AOC1: variants seen among roughly 807,000 people sequenced by gnomAD.
AOC1 encodes the protein diamine oxidase [copper-containing].
AOC1 carries 58 observed loss-of-function variants against 57.1 expected under a neutral mutation model. The observed-to-expected ratio is 1.02, with a 90% CI of 0.82 to 1.26. The LOEUF (loss-of-function observed/expected upper bound fraction) is 1.26, where lower values mean the gene tolerates loss of function less well. Ranked by LOEUF, AOC1 falls within the 50% of genes most tolerant of loss-of-function variation. The pLI, the probability that AOC1 is intolerant of heterozygous loss-of-function variation, is 0.00. For missense variants in AOC1, 917 were observed against 1,005.3 expected (o/e 0.91, Z 1.19); for synonymous variants, 401 against 423.4 (o/e 0.95, Z 0.65).
chr7:150,860,490 G>A lies in AOC1; in HGVS notation c.1857-11G>A, dbSNP rs11771771. On this transcript the variant is annotated splice_polypyrimidine_tract_variant and intron_variant, in intron 3 of 4. Coordinates refer to ENST00000360937, the MANE Select transcript of AOC1 (RefSeq NM_001091.4). ...GGCCCTGAGCCAAGCTGCTTCGCCT[G>A]TGCCTGGCAGGTACCCCCTGGCAGT... is the stretch of plus-strand genomic sequence containing the variant. 174,891 of 1,613,880 alleles carry A rather than the reference G, an allele frequency of 0.11. 10,593 individuals carry two copies. The highest frequency in any genetic ancestry group is 0.12 in the Non-Finnish European group (142,121 of 1,179,928).
rs1344946396 is a variant in AOC1 at position 150,857,642 on chromosome 7, G to T, written c.1172G>T (p.Cys391Phe). The T allele has an allele frequency of 6.2e-7, 1 of 1,614,078 alleles. No homozygotes were observed. The highest frequency in any genetic ancestry group is 8.5e-7 in the Non-Finnish European group (1 of 1,179,998). Residue 391 changes from cysteine (C) to phenylalanine (F), a missense_variant, in exon 2 of 5, where the codon TGC becomes TTC. Coordinates refer to ENST00000360937, the MANE Select transcript of AOC1 (RefSeq NM_001091.4). This position sits in a 1 kb window ranked among gnomAD's most constrained non-coding sequence, Gnocchi z 6.6. ...VTHELAPGID[C>F]PETATFLDTF... is the part of the protein sequence containing the mutation. Reference sequence around the variant, plus strand: ...CATGAGTTAGCCCCCGGCATCGACTGCCCGGAGACCGCCACCTTCCTGGAC... The same window carrying T: ...CATGAGTTAGCCCCCGGCATCGACTTCCCGGAGACCGCCACCTTCCTGGAC...
At chr7:150,855,030 CTATGAAAA>C (rs45601031) in intron 1 of AOC1, among the ~76,000 whole-genome samples, 45,316 of 151,838 alleles carry the variant, frequency 0.3, 8,163 homozygotes, top group African/African-American at 0.51. Context: ...AGGCAACTAC[CTATGAAAA>C]TATGAAAACA....
Position 150,858,986 on chromosome 7 carries a change from C to T in AOC1, c.1794C>T (p.His598=). 1 of 1,599,142 alleles carries T rather than the reference C, an allele frequency of 6.3e-7. No individual in the cohort carries two copies. The highest frequency in any genetic ancestry group is 1.1e-5 in the South Asian group (1 of 90,218). ...AGCGCACGTACCGCCTGCAGATCCA[C>T]TCCATGGCCGACCAGGTGCTGCCCC... ...GHKRTYRLQI[H]SMADQVLPPG... The change falls in exon 3 of 5, where the codon CAC becomes CAT. Residue 598 remains histidine, a synonymous_variant. Transcript: ENST00000360937.
At position 150,861,098 on chromosome 7, in the gene AOC1, C is replaced by A; in HGVS notation, c.2145C>A (p.Ile715=). The A allele has an allele frequency of 1.2e-6, 2 of 1,614,154 alleles. No homozygotes were observed. The highest frequency in any genetic ancestry group is 1.7e-6 in the Non-Finnish European group (2 of 1,180,006). ...DPSLASRDTV[I]VWPRDNGPNY... The stretch of plus-strand genomic sequence containing the variant: ...CCCTGGCATCCAGAGACACTGTGAT[C>A]GTGTGGCCTCGGGACAACGGCCCCA... Residue 715 remains isoleucine (I), a synonymous_variant, in exon 5 of 5, where the codon ATC becomes ATA. Coordinates refer to ENST00000360937, the MANE Select transcript of AOC1 (RefSeq NM_001091.4). The surrounding 1 kb of genome is among the most constrained non-coding windows in gnomAD (Gnocchi z 4.5).
At position 150,858,081 on chromosome 7, in the gene AOC1, T is replaced by C. The variant is rs369201372; in HGVS notation, c.1570+41T>C. ...AGACTCTCCCGTTCAAACATCTGCA[T>C]CCAGCCAATAACTTAAACTCCCAGG... On this transcript the variant is annotated intron_variant, in intron 2 of 4. Coordinates refer to ENST00000360937, the MANE Select transcript of AOC1 (RefSeq NM_001091.4). The C allele has an allele frequency of 2.0e-6, 3 of 1,493,604 alleles. No individual in the cohort carries two copies. The African/African-American group carries it at 4.2e-5, about 21-fold the overall frequency. The allele number at this position is 1,493,604 out of a possible 1,614,324, so 92.5% of individuals were successfully genotyped here. A position where few individuals can be genotyped will look rare whatever the true frequency, so the allele number is the denominator to read the frequency against.
At chr7:150,860,185 A>T in intron 3 of AOC1, among the ~76,000 whole-genome samples, 1 of 148,532 alleles carries the variant, frequency 6.7e-6, no homozygotes, top group South Asian at 2.1e-4. Context: ...TCAAAAAAAA[A>T]GAAAAAGAAA....
chr7:150,853,229 G>C (rs1584794440), intron 1 of AOC1, among the ~76,000 whole-genome samples: 1 of 152,314 alleles, frequency 6.6e-6, no homozygotes. Flanking sequence ...AGAATATGCA[G>C]CAGCAAGAGT....
intron 1 of AOC1, among the ~76,000 whole-genome samples, chr7:150,855,955 T>C (rs1799755454): frequency 6.6e-6 from 1 of 151,574 alleles, no homozygotes; most frequent in Admixed American, 6.6e-5. Context: ...CATGAGTCAC[T>C]GGGACTTGAC....
Position 150,856,096 on chromosome 7 carries a change from C to T in AOC1, c.-16-359C>T, listed in dbSNP as rs1209839941. ...AATACAGGTGTCTTCTTCTCCAGGACACAAGAAGCACCTGGGGGCATGTGC... is the reference window on the plus strand; with the variant it reads ...AATACAGGTGTCTTCTTCTCCAGGATACAAGAAGCACCTGGGGGCATGTGC... On this transcript the variant is annotated intron_variant, in intron 1 of 4. Coordinates refer to ENST00000360937, the MANE Select transcript of AOC1 (RefSeq NM_001091.4). The surrounding 1 kb of genome is among the most constrained non-coding windows in gnomAD (Gnocchi z 5.2). Among the ~76,000 whole-genome samples, 1 of 152,170 alleles carries T rather than the reference C, an allele frequency of 6.6e-6. No homozygotes were observed. The highest frequency in any genetic ancestry group is 1.9e-4 in the East Asian group (1 of 5,200).
At chr7:150,855,996 G>C (rs534626650) in intron 1 of AOC1, among the ~76,000 whole-genome samples, 1 of 152,180 alleles carries the variant, frequency 6.6e-6, no homozygotes, top group African/African-American at 2.4e-5. Context: ...GCCTACCTTT[G>C]AATTTCTACA....
At chr7:150,860,819 TA>T in intron 4 of AOC1, 123 bp from the exon 5 acceptor site, 2 of 1,422,386 alleles carry the variant, frequency 1.4e-6, no homozygotes, top group South Asian at 1.3e-5. Context: ...CTCATCTCTT[TA>T]AAAAGGGGCT....
Position 150,856,535 on chromosome 7 carries a change from C to T in AOC1, c.65C>T (p.Ser22Phe). Residue 22 changes from serine (S) to phenylalanine (F), a missense_variant, in exon 2 of 5, where the codon TCC (serine) becomes TTC (phenylalanine). Ser to Phe is a radical substitution (Grantham distance 155, BLOSUM62 -2). Coordinates refer to ENST00000360937, the MANE Select transcript of AOC1 (RefSeq NM_001091.4). The surrounding 1 kb of genome is among the most constrained non-coding windows in gnomAD (Gnocchi z 5.2). ...LMLQTAMAEP[S>F]PGTLPRKAGV... ...CTGCAGACGGCCATGGCGGAGCCCT[C>T]CCCGGGGACTCTGCCCAGGAAGGCA... 6.2e-7 allele frequency: 1 copy of T among 1,614,048 alleles called. No individual in the cohort carries two copies. The highest frequency in any genetic ancestry group is 8.5e-7 in the Non-Finnish European group (1 of 1,179,952).
chr7:150,855,200 G>C (rs964233016), intron 1 of AOC1, among the ~76,000 whole-genome samples: 2 of 152,264 alleles, frequency 1.3e-5, no homozygotes, highest in Admixed American at 6.5e-5. Context: ...CTTGAGGAAG[G>C]GGGTGCAAGG....
rs1799771207 is a variant in AOC1, at chr7:150,856,275, C to G, written c.-16-180C>G. On this transcript the variant is annotated intron_variant, in intron 1 of 4. Coordinates refer to ENST00000360937, the MANE Select transcript of AOC1 (RefSeq NM_001091.4). This position sits in a 1 kb window ranked among gnomAD's most constrained non-coding sequence, Gnocchi z 5.2. ...AGAAATAAATGGATGGATGCACAGG[C>G]AGCGGCCCGACGGCGCTGGGGACTA... Among the ~76,000 whole-genome samples the G allele has an allele frequency of 6.6e-6, 1 of 152,148 alleles. No homozygotes were observed. The highest frequency in any genetic ancestry group is 6.5e-5 in the Admixed American group (1 of 15,280).
In AOC1 at chr7:150,856,462, G is replaced by A. The variant is rs749008006; in HGVS notation, c.-9G>A. 47 of 1,609,068 alleles carry A rather than the reference G, an allele frequency of 2.9e-5. No individual in the cohort carries two copies. The East Asian group carries it at 8.7e-4, about 30-fold the overall frequency. Reference sequence around the variant, plus strand: ...TCCTCTATTGCATTCCAGAGCCGTGGAGCGAGAGATGCCGGCCCTGGGCTG... The same window carrying A: ...TCCTCTATTGCATTCCAGAGCCGTGAAGCGAGAGATGCCGGCCCTGGGCTG... On this transcript the variant is annotated 5_prime_UTR_variant, in exon 2 of 5. Coordinates refer to ENST00000360937, the MANE Select transcript of AOC1 (RefSeq NM_001091.4). The surrounding 1 kb of genome is among the most constrained non-coding windows in gnomAD (Gnocchi z 5.2).
At position 150,857,430 on chromosome 7, in the gene AOC1, C is replaced by A; in HGVS notation, c.960C>A (p.Gly320=). The change falls in exon 2 of 5, where the codon GGC becomes GGA. Residue 320 remains glycine (G), a synonymous_variant. Transcript: ENST00000360937. The surrounding 1 kb of genome is among the most constrained non-coding windows in gnomAD (Gnocchi z 6.6). ...FRLEGNAVLY[G]GWSFAFRLRS... The stretch of plus-strand genomic sequence containing the variant: ...TGGAGGGCAACGCTGTGCTCTACGG[C>A]GGCTGGAGCTTTGCCTTCCGGCTGC... The A allele has an allele frequency of 6.2e-7, 1 of 1,610,968 alleles. No homozygotes were observed. The highest frequency in any genetic ancestry group is 1.1e-5 in the South Asian group (1 of 91,054).
chr7:150,858,760 C>T lies in AOC1; in HGVS notation c.1571-3C>T, dbSNP rs771801070. 6.9e-6 allele frequency: 11 copies of T among 1,592,042 alleles called. No homozygotes were observed. The East Asian group carries it at 2.5e-4, about 36-fold the overall frequency. On this transcript the variant is annotated splice_region_variant and splice_polypyrimidine_tract_variant and intron_variant, in intron 2 of 4. Transcript: ENST00000360937. ...CGTTCTCCTTCTCCCTGCATACCTC[C>T]AGGCACCAAGAACAGCTTCCAGACA...
At chr7:150,858,128 G>A in intron 2 of AOC1, 88 bp downstream of exon 2, 4 of 1,455,330 alleles carry the variant, frequency 2.7e-6, no homozygotes, top group Non-Finnish European at 3.6e-6. Context: ...TAACTCCCTG[G>A]TGGTGGAAAG....
Position 150,859,037 on chromosome 7 carries a change from C to A in AOC1, c.1845C>A (p.Ile615=). 6.4e-7 allele frequency: 1 copy of A among 1,574,038 alleles called. No individual in the cohort carries two copies. The highest frequency in any genetic ancestry group is 1.1e-5 in the South Asian group (1 of 87,352). ...CAGGCTGGCAGGAGGAGCAGGCCAT[C>A]ACCTGGGCAAGGTGAGGAAGACCCA... ...LPPGWQEEQA[I]TWARYPLAVT... is the part of the protein sequence containing the mutation. Residue 615 remains isoleucine, a synonymous_variant, in exon 3 of 5, where the codon ATC becomes ATA. Transcript: ENST00000360937.
Sources: gnomAD v4.1 joint callset for allele counts (sites outside exome capture counted in the v4.1 genomes callset) on GRCh38, gnomAD v4.1.1 for gene constraint, Gnocchi (gnomAD v3.1) non-coding constraint, MANE v1.5 for transcripts, NCBI Gene and HGNC (gene_info 2026-07-23, HGNC 2026-07-21) for gene names.